The following TENM2 variants were observed in gnomAD, a reference collection of about 807,000 sequenced individuals.
The protein encoded by TENM2 is teneurin transmembrane protein 2, also known as teneurin-2.
TENM2 carries 52 observed loss-of-function variants against 245.2 expected under a neutral mutation model. That is an observed-to-expected ratio of 0.21 (90% CI 0.17 to 0.27). The LOEUF (loss-of-function observed/expected upper bound fraction) is 0.27, where lower values mean the gene tolerates loss of function less well. Among genes scored for constraint, TENM2 ranks in the 10% least tolerant of loss-of-function variants. The pLI is 1.00. For synonymous variants in TENM2, 1,363 were observed against 1,438.9 expected (o/e 0.95, Z 1.19); for missense variants, 3,046 against 3,666.8 (o/e 0.83, Z 4.37).
At chr5:168,151,873 C>T (rs1459497622) in intron 12 of TENM2, among the ~76,000 whole-genome samples, 1 of 152,222 alleles carries the variant, frequency 6.6e-6, no homozygotes, top group Non-Finnish European at 1.5e-5. Context: ...TGAAAAGAGC[C>T]TAGTCCTCAC....
At chr5:168,158,197 T>C (rs544632142) in intron 12 of TENM2, among the ~76,000 whole-genome samples, 2 of 152,094 alleles carry the variant, frequency 1.3e-5, no homozygotes, top group African/African-American at 4.8e-5. Context: ...TGGGTTTTTT[T>C]AAATCCCAAA....
the TENM2 span, among the ~76,000 whole-genome samples, chr5:167,204,286 T>C: frequency 6.6e-6 from 1 of 152,006 alleles, no homozygotes; most frequent in African/African-American, 2.4e-5. Flanking sequence ...ATAAGGTCAA[T>C]TAGACAACAG....
chr5:167,151,770 G>C, the TENM2 span, among the ~76,000 whole-genome samples: 1 of 152,152 alleles, frequency 6.6e-6, no homozygotes, highest in Non-Finnish European at 1.5e-5. Flanking sequence ...ACCCGCCTCG[G>C]CCTCCCAAAA....
In TENM2 at chr5:168,034,133, ATG is replaced by A. The variant is rs1406361813; in HGVS notation, c.1187-13292_1187-13291del. Among the ~76,000 whole-genome samples, 14 of 103,668 alleles carry A rather than the reference ATG, an allele frequency of 1.4e-4. 1 individual carries two copies. Among genetic ancestry groups the A allele is most frequent in the African/African-American group, 3.1e-4 (9 of 29,202 alleles). 68.0% of individuals were successfully genotyped at this position (103,668 alleles called of 152,430 possible). On this transcript the variant is annotated intron_variant, in intron 5 of 28. Coordinates refer to ENST00000518659, the Ensembl canonical transcript of TENM2. ...TACATATATATGTGTATATATATAT[ATG>A]TATACATATATATGTGTATATATAT...
chr5:167,917,552 T>C (rs1343405837), intron 3 of TENM2, among the ~76,000 whole-genome samples: 2 of 152,158 alleles, frequency 1.3e-5, no homozygotes, highest in East Asian at 1.9e-4. Context: ...AGCAAAGCAC[T>C]GCCACCTGCT....
At chr5:167,286,330 C>T (rs1771346281) in intron 1 of TENM2, among the ~76,000 whole-genome samples, 2 of 152,200 alleles carry the variant, frequency 1.3e-5, no homozygotes, top group African/African-American at 2.4e-5. Flanking sequence ...TGCTGATCCT[C>T]CTCCATGAGA....
At chr5:167,010,876 T>G in the TENM2 span, among the ~76,000 whole-genome samples, 1 of 152,226 alleles carries the variant, frequency 6.6e-6, no homozygotes. Flanking sequence ...TCAACAAATG[T>G]TAGGTATTAA....
the TENM2 span, among the ~76,000 whole-genome samples, chr5:167,097,721 A>T: frequency 6.6e-6 from 1 of 152,210 alleles, no homozygotes; most frequent in Non-Finnish European, 1.5e-5. Flanking sequence ...CTTTAATGCA[A>T]GTCCTGTCTT....
At chr5:167,815,749 A>G (rs1048838033) in intron 2 of TENM2, among the ~76,000 whole-genome samples, 2 of 151,724 alleles carry the variant, frequency 1.3e-5, no homozygotes, top group South Asian at 4.2e-4. Context: ...AGGGTGGGAG[A>G]GTCAGGGGGA....
chr5:168,155,624 C>T (rs769607262), intron 12 of TENM2, among the ~76,000 whole-genome samples: 8 of 152,150 alleles, frequency 5.3e-5, no homozygotes, highest in South Asian at 2.1e-4. Context: ...CAATCACACA[C>T]GGAGGACACT....
chr5:167,877,084 A>C (rs1773486863), intron 3 of TENM2, among the ~76,000 whole-genome samples: 1 of 152,202 alleles, frequency 6.6e-6, no homozygotes. Context: ...ATTTGCAAAA[A>C]TTAATTACTC....
At chr5:167,418,686 A>T (rs1000310212) in intron 2 of TENM2, among the ~76,000 whole-genome samples, 1 of 152,168 alleles carries the variant, frequency 6.6e-6, no homozygotes, top group African/African-American at 2.4e-5. Context: ...CAATCTTTAC[A>T]TTTCTTTTTA....
the TENM2 span, among the ~76,000 whole-genome samples, chr5:167,085,186 T>C: frequency 1.8e-4 from 27 of 152,320 alleles, no homozygotes; most frequent in African/African-American, 6.3e-4. Flanking sequence ...ATGGTGATTT[T>C]ATTCTTTCCT....
At chr5:167,781,039 G>A (rs776739184) in intron 2 of TENM2, among the ~76,000 whole-genome samples, 7 of 152,072 alleles carry the variant, frequency 4.6e-5, no homozygotes, top group East Asian at 1.9e-4. Context: ...GGCCTGCTGC[G>A]GTGGCTCACG....
At chr5:167,227,182 T>C in the TENM2 span, among the ~76,000 whole-genome samples, 1 of 152,116 alleles carries the variant, frequency 6.6e-6, no homozygotes, top group South Asian at 2.1e-4. Context: ...TTGAAGGTTA[T>C]TGTTGATAAG....
At chr5:167,606,524 C>T (rs1360671992) in intron 2 of TENM2, among the ~76,000 whole-genome samples, 1 of 152,096 alleles carries the variant, frequency 6.6e-6, no homozygotes, top group East Asian at 1.9e-4. Flanking sequence ...CTCAGAAAAC[C>T]ACACCTCCAA....
the TENM2 span, among the ~76,000 whole-genome samples, chr5:167,043,043 TG>T: frequency 1.3e-5 from 2 of 152,228 alleles, no homozygotes; most frequent in Admixed American, 6.5e-5. Flanking sequence ...TCTAATTTAT[TG>T]ATCTCCAAAA....
chr5:167,574,579 G>A (rs370178064), intron 2 of TENM2, among the ~76,000 whole-genome samples: 8 of 152,150 alleles, frequency 5.3e-5, no homozygotes, highest in Admixed American at 5.2e-4. Flanking sequence ...TTCATAAATA[G>A]AGATTAAGTG....
intron 13 of TENM2, among the ~76,000 whole-genome samples, chr5:168,177,417 C>T (rs560392265): frequency 6.6e-6 from 1 of 152,236 alleles, no homozygotes; most frequent in South Asian, 2.1e-4. Flanking sequence ...AGTAACTAGC[C>T]CAAGGCCACA....
Sources: gnomAD v4.1 joint callset for allele counts (sites outside exome capture counted in the v4.1 genomes callset) on GRCh38, gnomAD v4.1.1 for gene constraint, MANE v1.5 for transcripts, NCBI Gene and HGNC (gene_info 2026-07-23, HGNC 2026-07-21) for gene names.